SATB1: variants seen among roughly 807,000 people sequenced by gnomAD.
SATB1 encodes the protein DNA-binding protein SATB1.
A neutral mutation model predicts 86.9 loss-of-function variants in SATB1; 11 were observed. The ratio of observed to expected loss-of-function variants is 0.13; its 90% CI spans 0.08 to 0.21. The LOEUF (loss-of-function observed/expected upper bound fraction) is 0.21, where lower values mean the gene tolerates loss of function less well. SATB1 is among the 10% of genes least tolerant of loss of function. The pLI, the probability that SATB1 is intolerant of heterozygous loss-of-function variation, is 1.00. For synonymous variants in SATB1, 357 were observed against 357.2 expected, an observed-to-expected ratio of 1.00 and a Z score of 0.01; for missense variants, 551 against 937.6, an observed-to-expected ratio of 0.59 and a Z score of 5.39.
In SATB1 at chr3:18,416,883, C is replaced by G. The variant is rs748676070; in HGVS notation, c.388+19G>C. The G allele has an allele frequency of 6.3e-7, 1 of 1,580,686 alleles. No individual in the cohort carries two copies. Among genetic ancestry groups the G allele is most frequent in the Admixed American group, 1.9e-5 (1 of 51,552 alleles). On this transcript the variant is annotated intron_variant, in intron 3 of 10. Coordinates refer to ENST00000338745, the MANE Select transcript of SATB1 (RefSeq NM_002971.6). ...AGAATGCTAAGCAATTTTTCCAACC[C>G]CACGTACACATTATTTACCTTTGGC...
At chr3:18,437,482 C>G (rs1182097485) in intron 1 of SATB1, among the ~76,000 whole-genome samples, 1 of 152,016 alleles carries the variant, frequency 6.6e-6, no homozygotes, top group African/African-American at 2.4e-5. Context: ...ATACATCATT[C>G]TTTTTTAACA....
chr3:18,357,232 G>T (rs1694690086), intron 9 of SATB1, among the ~76,000 whole-genome samples: 2 of 151,756 alleles, frequency 1.3e-5, no homozygotes, highest in African/African-American at 4.8e-5. Flanking sequence ...GATATTAAAA[G>T]AAATCAATCT....
At chr3:18,435,043 A>T (rs1327539145) in intron 2 of SATB1, 1 of 152,204 alleles carries the variant, frequency 6.6e-6, no homozygotes, top group Non-Finnish European at 1.5e-5. Flanking sequence ...TGCATTTCAG[A>T]AACGGCATGG....
intron 5 of SATB1, among the ~76,000 whole-genome samples, chr3:18,403,676 G>A (rs1275467997): frequency 1.3e-5 from 2 of 152,004 alleles, no homozygotes; most frequent in African/African-American, 4.8e-5. Flanking sequence ...TAACTTCTCA[G>A]TCTATGCATG....
upstream of SATB1, among the ~76,000 whole-genome samples, chr3:18,428,405 C>T (rs1408161466): frequency 6.6e-6 from 1 of 152,098 alleles, no homozygotes; most frequent in Non-Finnish European, 1.5e-5. Flanking sequence ...TCTTAAAGGC[C>T]CCACCTCTCA....
intron 5 of SATB1, among the ~76,000 whole-genome samples, chr3:18,412,142 T>C (rs1697878467): frequency 6.6e-6 from 1 of 152,090 alleles, no homozygotes; most frequent in Non-Finnish European, 1.5e-5. Flanking sequence ...GGCAAGGACA[T>C]AGGCTTAGCA....
At chr3:18,387,134 T>C (rs758030094) in intron 7 of SATB1, among the ~76,000 whole-genome samples, 8 of 152,240 alleles carry the variant, frequency 5.3e-5, no homozygotes, top group Non-Finnish European at 1.2e-4. Context: ...TCACAGGCAA[T>C]GTTTAAAATT....
chr3:18,389,658 A>G (rs1163356202), intron 7 of SATB1, among the ~76,000 whole-genome samples: 5 of 152,118 alleles, frequency 3.3e-5, no homozygotes, highest in African/African-American at 1.2e-4. Context: ...AAAGGCCATC[A>G]TGTACCTTAT....
chr3:18,417,995 C>T (rs1019172350), intron 2 of SATB1, among the ~76,000 whole-genome samples: 1 of 152,168 alleles, frequency 6.6e-6, no homozygotes, highest in East Asian at 1.9e-4. Flanking sequence ...ATTGATATTA[C>T]GGAATGCTGT....
chr3:18,436,229 T>C (rs988390579), intron 2 of SATB1, among the ~76,000 whole-genome samples: 4 of 152,184 alleles, frequency 2.6e-5, no homozygotes, highest in Non-Finnish European at 5.9e-5. Context: ...CAGTAGTATT[T>C]ATTCAATGGG....
chr3:18,405,311 G>A (rs1270702470), intron 5 of SATB1, among the ~76,000 whole-genome samples: 1 of 151,788 alleles, frequency 6.6e-6, no homozygotes. Flanking sequence ...GCCCTTGTGT[G>A]GTTAAATCGC....
chr3:18,408,707 G>T (rs1163106933), intron 5 of SATB1: 1 of 150,388 alleles, frequency 6.6e-6, no homozygotes, highest in African/African-American at 2.4e-5. Flanking sequence ...GGAGTTGGGG[G>T]TTGTTCATGG....
chr3:18,364,730 T>TAC lies in SATB1; in HGVS notation c.1576-12537_1576-12536dup, dbSNP rs543631501. On this transcript the variant is annotated intron_variant, in intron 9 of 10. Transcript: ENST00000338745. ...ATATATGTATGTATGTATATATATA[T>TAC]ACACACACACACACGTACGTATAGA... is the stretch of plus-strand genomic sequence containing the variant. Among the ~76,000 whole-genome samples the TAC allele has an allele frequency of 9.2e-4, 140 of 151,600 alleles. 1 individual carries two copies. Among genetic ancestry groups the TAC allele is most frequent in the East Asian group, 1.4e-3 (7 of 5,178 alleles).
At chr3:18,398,055 AT>A (rs1242994656) in intron 5 of SATB1, among the ~76,000 whole-genome samples, 1 of 152,160 alleles carries the variant, frequency 6.6e-6, no homozygotes, top group Non-Finnish European at 1.5e-5. Flanking sequence ...AAATTTATAC[AT>A]TTCATGCTTC....
At chr3:18,393,694 A>G (rs921324807) in intron 7 of SATB1, among the ~76,000 whole-genome samples, 5 of 152,196 alleles carry the variant, frequency 3.3e-5, no homozygotes, top group Middle Eastern at 3.2e-3. Context: ...TGTTTTATAA[A>G]TAGTTTTACT....
intron 5 of SATB1, among the ~76,000 whole-genome samples, chr3:18,414,575 A>G (rs375972535): frequency 1.4e-4 from 21 of 152,250 alleles, no homozygotes; most frequent in Middle Eastern, 3.4e-3. Context: ...ACAAAATCCT[A>G]ATGAATTAAC....
intron 5 of SATB1, 89 bp downstream of exon 5, chr3:18,415,022 C>G (rs1698041595): frequency 6.9e-7 from 1 of 1,453,066 alleles, no homozygotes. Flanking sequence ...GCTTCAGATA[C>G]CAGTTGCTTT....
chr3:18,426,590 A>G (rs1005034748), upstream of SATB1, among the ~76,000 whole-genome samples: 1 of 152,238 alleles, frequency 6.6e-6, no homozygotes, highest in South Asian at 2.1e-4. The surrounding 1 kb of genome is among the most constrained non-coding windows in gnomAD (Gnocchi z 4.2). Flanking sequence ...ATTACAATGT[A>G]ACCCAAAATA....
chr3:18,397,659 G>A (rs938978190), intron 5 of SATB1, among the ~76,000 whole-genome samples: 2 of 152,124 alleles, frequency 1.3e-5, no homozygotes, highest in African/African-American at 4.8e-5. Flanking sequence ...GAGACTTCGC[G>A]ATTTTTTGAC....
Sources: gnomAD v4.1 joint callset for allele counts (sites outside exome capture counted in the v4.1 genomes callset) on GRCh38, gnomAD v4.1.1 for gene constraint, Gnocchi (gnomAD v3.1) non-coding constraint, MANE v1.5 for transcripts, NCBI Gene and HGNC (gene_info 2026-07-23, HGNC 2026-07-21) for gene names.